The following RALYL variants were observed in gnomAD, a reference collection of about 807,000 sequenced individuals.
RALYL encodes RNA-binding Raly-like protein.
Under a neutral mutation model 35.1 loss-of-function variants are expected in RALYL, and 29 were observed. The observed-to-expected ratio is 0.83, with a 90% confidence interval of 0.61 to 1.13. The LOEUF (loss-of-function observed/expected upper bound fraction) is 1.13, where lower values mean the gene tolerates loss of function less well. Ranked by LOEUF, RALYL falls within the 50% of genes most tolerant of loss-of-function variation. RALYL has a pLI of 0.00. For missense variants in RALYL, 359 were observed against 360.4 expected (o/e 1.00, Z 0.03); for synonymous variants, 120 against 127.6 (o/e 0.94, Z 0.40).
chr8:84,218,826 T>C lies in RALYL; in HGVS notation c.-24+34402T>C, dbSNP rs966749549. On this transcript the variant is annotated intron_variant, in intron 1 of 8. Transcript: ENST00000521268. The stretch of plus-strand genomic sequence containing the variant: ...AAATTGTACGATAGTGCCCAGCGTG[T>C]GGTTGGTGCTGAATGACTCCCATGA... Among the ~76,000 whole-genome samples the C allele has an allele frequency of 2.0e-5, 3 of 152,078 alleles. 1 individual carries two copies. In the South Asian group the frequency reaches 6.2e-4, roughly 31 times the overall value.
At chr8:84,445,196 C>G (rs375738668) in intron 1 of RALYL, among the ~76,000 whole-genome samples, 1 of 151,920 alleles carries the variant, frequency 6.6e-6, no homozygotes, top group Admixed American at 6.6e-5. Context: ...ATTTCAAAGA[C>G]GTTAAATATC....
chr8:84,385,211 A>G (rs1178740839), intron 1 of RALYL, among the ~76,000 whole-genome samples: 1 of 151,914 alleles, frequency 6.6e-6, no homozygotes, highest in Non-Finnish European at 1.5e-5. Flanking sequence ...AATCTGTTAC[A>G]AACTAAACTA....
At chr8:84,258,554 CA>C (rs899941666) in intron 1 of RALYL, among the ~76,000 whole-genome samples, 2 of 151,200 alleles carry the variant, frequency 1.3e-5, no homozygotes, top group Non-Finnish European at 3.0e-5. Context: ...TTGATTGTAT[CA>C]AAAAAAGGCA....
chr8:84,358,459 G>A (rs974808717), intron 1 of RALYL, among the ~76,000 whole-genome samples: 1 of 151,944 alleles, frequency 6.6e-6, no homozygotes, highest in Non-Finnish European at 1.5e-5. Context: ...TACATGAAAC[G>A]ATGTTGTTTA....
intron 1 of RALYL, among the ~76,000 whole-genome samples, chr8:84,289,140 C>T (rs1367048704): frequency 6.6e-6 from 1 of 152,042 alleles, no homozygotes; most frequent in Non-Finnish European, 1.5e-5. Context: ...AGCAAGGCTC[C>T]AGCAGAAGTT....
chr8:84,658,798 G>C (rs1477238361), intron 2 of RALYL, among the ~76,000 whole-genome samples: 1 of 152,096 alleles, frequency 6.6e-6, no homozygotes, highest in Non-Finnish European at 1.5e-5. Flanking sequence ...AAGAGGGGAC[G>C]TATTGAAAGA....
chr8:84,377,349 A>AT (rs139911161), intron 1 of RALYL, among the ~76,000 whole-genome samples: 4,466 of 151,722 alleles, frequency 0.029, 209 homozygotes, highest in African/African-American at 0.1. Context: ...ATCTTGAAGA[A>AT]TTTAAAATAA....
In RALYL at chr8:84,280,082, G is replaced by A. The variant is rs16912637; in HGVS notation, c.-24+95658G>A. ...AAGTAGTAACAGTTCAGCTGAGGTAGAAATGCTGAAAGAACTGCTATAATG... is the reference window on the plus strand; with the variant it reads ...AAGTAGTAACAGTTCAGCTGAGGTAAAAATGCTGAAAGAACTGCTATAATG... On this transcript the variant is annotated intron_variant, in intron 1 of 8. Transcript: ENST00000521268. Among the ~76,000 whole-genome samples, 1,293 of 152,212 alleles carry A rather than the reference G, an allele frequency of 8.5e-3. 21 individuals carry two copies. The highest frequency in any genetic ancestry group is 0.029 in the African/African-American group (1,195 of 41,534).
intron 1 of RALYL, among the ~76,000 whole-genome samples, chr8:84,375,673 C>T (rs1250243940): frequency 1.3e-5 from 2 of 151,664 alleles, no homozygotes; most frequent in African/African-American, 2.4e-5. Context: ...ACTGTCCTTT[C>T]TAATGATTTT....
intron 2 of RALYL, among the ~76,000 whole-genome samples, chr8:84,727,135 T>C (rs1845112842): frequency 6.6e-6 from 1 of 152,030 alleles, no homozygotes; most frequent in Non-Finnish European, 1.5e-5. Flanking sequence ...TTATGAGACA[T>C]TATAATAAAA....
intron 1 of RALYL, among the ~76,000 whole-genome samples, chr8:84,307,733 G>GA (rs1204268427): frequency 6.6e-6 from 1 of 152,162 alleles, no homozygotes; most frequent in African/African-American, 2.4e-5. Flanking sequence ...ACACATCTGA[G>GA]AAAACCAATC....
chr8:84,287,323 TTAGGAAGATC>T (rs1454697796), intron 1 of RALYL, among the ~76,000 whole-genome samples: 30 of 125,518 alleles, frequency 2.4e-4, no homozygotes, highest in Non-Finnish European at 4.9e-4. Flanking sequence ...GGCTAGGTTA[TTAGGAAGATC>T]ATTGAAATCG....
chr8:84,835,264 T>C (rs1399601318), intron 4 of RALYL, among the ~76,000 whole-genome samples: 3 of 152,154 alleles, frequency 2.0e-5, no homozygotes, highest in Non-Finnish European at 4.4e-5. Context: ...ATGAGTTGGA[T>C]GTAAATTCAA....
intron 2 of RALYL, among the ~76,000 whole-genome samples, chr8:84,745,400 C>T (rs2133117699): frequency 6.6e-6 from 1 of 152,126 alleles, no homozygotes; most frequent in Non-Finnish European, 1.5e-5. Flanking sequence ...TACACACCAA[C>T]CCCAGTTTTT....
At chr8:84,433,126 A>G (rs1233567402) in intron 1 of RALYL, among the ~76,000 whole-genome samples, 2 of 152,174 alleles carry the variant, frequency 1.3e-5, no homozygotes, top group Admixed American at 1.3e-4. Flanking sequence ...TAAAAACATC[A>G]AACACTTCCT....
intron 2 of RALYL, among the ~76,000 whole-genome samples, chr8:84,714,551 A>C (rs1157685984): frequency 6.6e-6 from 1 of 151,850 alleles, no homozygotes; most frequent in Non-Finnish European, 1.5e-5. Context: ...TCATGAATGC[A>C]AGCAGTTTGA....
At chr8:84,204,432 AT>A (rs1457505484) in intron 1 of RALYL, among the ~76,000 whole-genome samples, 1 of 152,216 alleles carries the variant, frequency 6.6e-6, no homozygotes, top group African/African-American at 2.4e-5. Context: ...TTTTGACCCA[AT>A]CTGTTTCATG....
chr8:84,605,455 T>C lies in RALYL; in HGVS notation c.256+75878T>C, dbSNP rs118107710. On this transcript the variant is annotated intron_variant, in intron 2 of 8. Coordinates refer to ENST00000521268, the MANE Select transcript of RALYL (RefSeq NM_173848.7). ...TACCACCACCACCAGCAGCAGATTC[T>C]GTGCTCTTAACCTCTGTGCTCCATT... 5.4e-3 allele frequency among the ~76,000 whole-genome samples: 820 copies of C among 152,234 alleles called. 1 individual carries two copies. Among genetic ancestry groups the C allele is most frequent in the Non-Finnish European group, 0.01 (681 of 67,998 alleles).
At chr8:84,687,639 G>T (rs1837094671) in intron 2 of RALYL, among the ~76,000 whole-genome samples, 1 of 152,038 alleles carries the variant, frequency 6.6e-6, no homozygotes, top group African/African-American at 2.4e-5. Context: ...TTGCATAATT[G>T]GCAAAATTAC....
Sources: allele counts gnomAD v4.1 joint callset (sites outside exome capture counted in the v4.1 genomes callset), GRCh38; gene constraint gnomAD v4.1.1; transcripts MANE v1.5; gene names NCBI Gene and HGNC (gene_info 2026-07-23, HGNC 2026-07-21).